The following BCDIN3D variants were observed in gnomAD, a reference collection of about 807,000 sequenced individuals.
BCDIN3D encodes the protein RNA 5'-monophosphate methyltransferase.
BCDIN3D carries 15 observed loss-of-function variants against 21.2 expected under a neutral mutation model. The observed-to-expected ratio is 0.71, with a 90% CI of 0.47 to 1.09. BCDIN3D has a LOEUF of 1.09. Ranked by LOEUF, BCDIN3D falls within the 50% of genes least tolerant of loss-of-function variation. BCDIN3D has a pLI of 0.00. For synonymous variants in BCDIN3D, 127 were observed against 141.9 expected (o/e 0.90, Z 0.75); for missense variants, 331 against 366.2 (o/e 0.90, Z 0.79).
chr12:49,842,909 G>C lies in BCDIN3D; in HGVS notation c.179C>G (p.Pro60Arg). 1 of 1,613,974 alleles carries C rather than the reference G, an allele frequency of 6.2e-7. No individual in the cohort carries two copies. Among genetic ancestry groups the C allele is most frequent in the East Asian group, 2.2e-5 (1 of 44,886 alleles). Reference sequence around the variant, plus strand: ...AATCGGCCCGTTCTCGGGACTCTCAGGAAAGAGCTGTCGAAGCAGCTCCGG... The same window carrying C: ...AATCGGCCCGTTCTCGGGACTCTCACGAAAGAGCTGTCGAAGCAGCTCCGG... ...LPPELLRQLF[P>R]ESPENGPILG... The change falls in exon 1 of 2, where the codon CCT (proline) becomes CGT (arginine). Residue 60 changes from proline (P) to arginine (R), a missense_variant. Physicochemically the swap from Pro to Arg is moderately radical, Grantham distance 103 (BLOSUM62 -2). Transcript: ENST00000333924.
rs781472860 is a variant in BCDIN3D at position 49,838,794 on chromosome 12, T to C, written c.456A>G (p.Gln152=). The C allele has an allele frequency of 1.9e-6, 3 of 1,614,062 alleles. No homozygotes were observed. The highest frequency in any genetic ancestry group is 2.7e-5 in the African/African-American group (2 of 74,914). Residue 152 remains glutamine, a synonymous_variant, in exon 2 of 2, where the codon CAA becomes CAG. Coordinates refer to ENST00000333924, the MANE Select transcript of BCDIN3D (RefSeq NM_181708.3). ...RKVLLSSFLS[Q]FGRSVFDIGF... ...CAATGTCAAAAACTGAACGTCCAAA[T>C]TGGCTTAAGAAAGAGCTCAAGAGAA... is the stretch of plus-strand genomic sequence containing the variant.
chr12:49,838,271 G>T lies in BCDIN3D; in HGVS notation c.*100C>A. The T allele has an allele frequency of 7.8e-7, 1 of 1,284,520 alleles. No individual in the cohort carries two copies. Among genetic ancestry groups the T allele is most frequent in the Non-Finnish European group, 1.1e-6 (1 of 937,080 alleles). The allele number at this position is 1,284,520 out of a possible 1,614,324, so 79.6% of individuals were successfully genotyped here. A position where few individuals can be genotyped will look rare whatever the true frequency, so the allele number is the denominator to read the frequency against. ...ACATTTTACCAAAAGCTCCTGCCAGGTTTTGCGGCTGCCTGATTGTTAAGG... is the reference window on the plus strand; with the variant it reads ...ACATTTTACCAAAAGCTCCTGCCAGTTTTTGCGGCTGCCTGATTGTTAAGG... On this transcript the variant is annotated 3_prime_UTR_variant, in exon 2 of 2. Coordinates refer to ENST00000333924, the MANE Select transcript of BCDIN3D (RefSeq NM_181708.3).
At chr12:49,842,541 C>T (rs904683332) in intron 1 of BCDIN3D, 1 of 357,766 alleles carries the variant, frequency 2.8e-6, no homozygotes, top group African/African-American at 2.1e-5. Flanking sequence ...CTGGAAGCCC[C>T]CTCTCCCCAG....
At position 49,837,488 on chromosome 12, in the gene BCDIN3D, C is replaced by G. The variant is rs1029620635; in HGVS notation, c.*883G>C. On this transcript the variant is annotated 3_prime_UTR_variant, in exon 2 of 2. Transcript: ENST00000333924. ...ATTTTTAGTAGAGACGGGGTTTCAC[C>G]GTTTTAGCCGGGATGGTCTCGATCT... 1 of 151,586 alleles carries G rather than the reference C, an allele frequency of 6.6e-6. No homozygotes were observed. Among genetic ancestry groups the G allele is most frequent in the Non-Finnish European group, 1.5e-5 (1 of 67,926 alleles). 9.4% of individuals were successfully genotyped at this position (151,586 alleles called of 1,614,324 possible). A position where few individuals can be genotyped will look rare whatever the true frequency, so the allele number is the denominator to read the frequency against.
At chr12:49,839,181 G>T in intron 1 of BCDIN3D, 166 bp from the exon 2 acceptor site, 1 of 667,692 alleles carries the variant, frequency 1.5e-6, no homozygotes, top group Non-Finnish European at 2.5e-6. Flanking sequence ...CTACAGAGTA[G>T]GCTCTCAGTG....
chr12:49,837,304 T>TC lies in BCDIN3D; in HGVS notation c.*1066_*1067insG, dbSNP rs1946514430. 2 of 110,740 alleles carry TC rather than the reference T, an allele frequency of 1.8e-5. 1 individual carries two copies. The highest frequency in any genetic ancestry group is 1.7e-4 in the Admixed American group (2 of 11,778). The allele number at this position is 110,740 out of a possible 1,614,324, so 6.9% of individuals were successfully genotyped here. A position where few individuals can be genotyped will look rare whatever the true frequency, so the allele number is the denominator to read the frequency against. On this transcript the variant is annotated 3_prime_UTR_variant, in exon 2 of 2. Coordinates refer to ENST00000333924, the MANE Select transcript of BCDIN3D (RefSeq NM_181708.3). ...TTTTTTGTTTTTTTTTTTTTTTTTT[T>TC]TGAGACGGAGTCTCGCTCTGTCGCC...
Position 49,838,778 on chromosome 12 carries a change from A to G in BCDIN3D, c.472T>C (p.Phe158Leu). ...SFLSQFGRSVFDIGFCMSITM... is the reference protein window; with the variant it reads ...SFLSQFGRSVLDIGFCMSITM... The stretch of plus-strand genomic sequence containing the variant: ...ATTGACATGCAGAAGCCAATGTCAA[A>G]AACTGAACGTCCAAATTGGCTTAAG... The change falls in exon 2 of 2, where the codon TTT (phenylalanine) becomes CTT (leucine). Residue 158 changes from phenylalanine to leucine, a missense_variant. Transcript: ENST00000333924. 6.2e-7 allele frequency: 1 copy of G among 1,614,232 alleles called. No individual in the cohort carries two copies. Among genetic ancestry groups the G allele is most frequent in the East Asian group, 2.2e-5 (1 of 44,888 alleles).
chr12:49,837,715 A>G lies in BCDIN3D; in HGVS notation c.*656T>C, dbSNP rs1946519472. ...TGCTTGCCTCAGAATCATCTGGGGG[A>G]GCTGTTAAAAATAGATGCCTCATTG... On this transcript the variant is annotated 3_prime_UTR_variant, in exon 2 of 2. Coordinates refer to ENST00000333924, the MANE Select transcript of BCDIN3D (RefSeq NM_181708.3). The G allele has an allele frequency of 2.0e-5, 3 of 152,022 alleles. No individual in the cohort carries two copies. The highest frequency in any genetic ancestry group is 7.3e-5 in the African/African-American group (3 of 41,362). 9.4% of individuals were successfully genotyped at this position (152,022 alleles called of 1,614,324 possible). A position where few individuals can be genotyped will look rare whatever the true frequency, so the allele number is the denominator to read the frequency against.
At chr12:49,842,388 T>C (rs1946559525) in intron 1 of BCDIN3D, 2 of 153,410 alleles carry the variant, frequency 1.3e-5, no homozygotes, top group Admixed American at 1.3e-4. Context: ...CTACTCACTT[T>C]TTTTGAAATA....
intron 1 of BCDIN3D, 68 bp from the exon 2 acceptor site, chr12:49,839,083 A>G (rs1437332425): frequency 1.3e-6 from 2 of 1,495,146 alleles, no homozygotes; most frequent in African/African-American, 1.4e-5. Context: ...AATCTGTATC[A>G]TTCTCCCACT....
At position 49,838,587 on chromosome 12, in the gene BCDIN3D, GA is replaced by G. The variant is rs757916950; in HGVS notation, c.662del (p.Phe221SerfsTer18). On this transcript the variant is annotated frameshift_variant, in exon 2 of 2. Coordinates refer to ENST00000333924, the MANE Select transcript of BCDIN3D (RefSeq NM_181708.3). LOFTEE classifies it high-confidence loss of function. Reference protein sequence around the residue: ...RKLGLHDFDHFHSLAIRGDMP... With the variant: ...RKLGLHDFDHXHSLAIRGDMP... ...TGTCACCTCGGATGGCAAGGGAGTGGAAGTGGTCAAAATCATGGAGTCCCAG... is the reference window on the plus strand; with the variant it reads ...TGTCACCTCGGATGGCAAGGGAGTGGAGTGGTCAAAATCATGGAGTCCCAG... The G allele has an allele frequency of 9.9e-6, 16 of 1,613,970 alleles. No homozygotes were observed. The highest frequency in any genetic ancestry group is 1.4e-5 in the Non-Finnish European group (16 of 1,179,986).
chr12:49,839,087 T>G, intron 1 of BCDIN3D, 72 bp from the exon 2 acceptor site: 1 of 1,483,208 alleles, frequency 6.7e-7, no homozygotes, highest in South Asian at 1.3e-5. Flanking sequence ...TGTATCATTC[T>G]CCCACTGAGA....
intron 1 of BCDIN3D, among the ~76,000 whole-genome samples, chr12:49,841,662 AC>A (rs1946554354): frequency 6.6e-6 from 1 of 152,098 alleles, no homozygotes; most frequent in South Asian, 2.1e-4. Context: ...CAGGACATCA[AC>A]CCATCTCCTC....
chr12:49,842,559 G>A (rs1946560592), intron 1 of BCDIN3D: 2 of 371,782 alleles, frequency 5.4e-6, no homozygotes, highest in South Asian at 3.8e-5. Context: ...CAGCCAAAGC[G>A]CCAGGCACGC....
rs778519585 is a variant in BCDIN3D at position 49,838,453 on chromosome 12, TG to T, written c.796del (p.Gln266LysfsTer3). 6.2e-7 allele frequency: 1 copy of T among 1,613,914 alleles called. No individual in the cohort carries two copies. Among genetic ancestry groups the T allele is most frequent in the Non-Finnish European group, 8.5e-7 (1 of 1,180,024 alleles). On this transcript the variant is annotated frameshift_variant, in exon 2 of 2. Coordinates refer to ENST00000333924, the MANE Select transcript of BCDIN3D (RefSeq NM_181708.3). LOFTEE classifies it high-confidence loss of function. ...AGGGATTGGATGAGTCTCTATGGTT[TG>T]TTTTGCCCTGAAGAGCAGAAGGCTT... is the stretch of plus-strand genomic sequence containing the variant. ...DRSLLLFRAK[Q>X]TIETHPIPES...
intron 1 of BCDIN3D, chr12:49,842,270 G>C (rs1946558538): frequency 6.6e-6 from 1 of 152,246 alleles, no homozygotes. Context: ...TAGTAGAGAC[G>C]GGGTTTCACC....
In BCDIN3D at chr12:49,842,853, C is replaced by A. The variant is rs1191590220; in HGVS notation, c.234+1G>T. 5.7e-6 allele frequency: 9 copies of A among 1,592,558 alleles called. No homozygotes were observed. The highest frequency in any genetic ancestry group is 7.7e-6 in the Non-Finnish European group (9 of 1,168,542). The stretch of plus-strand genomic sequence containing the variant: ...GCTCCAATCCCTCCCCTGTCACTCA[C>A]CCCGGAGTTACACCCCACGTCGAGC... On this transcript the variant is annotated splice_donor_variant, in intron 1 of 1. Transcript: ENST00000333924. LOFTEE classifies it high-confidence loss of function.
rs75990735 is a variant in BCDIN3D, at chr12:49,837,885, A to C, written c.*486T>G. 0.095 allele frequency: 14,494 copies of C among 152,494 alleles called. 830 individuals are homozygous for C. Among genetic ancestry groups the C allele is most frequent in the African/African-American group, 0.15 (6,134 of 41,500 alleles). The allele number at this position is 152,494 out of a possible 1,614,324, so 9.4% of individuals were successfully genotyped here. A position where few individuals can be genotyped will look rare whatever the true frequency, so the allele number is the denominator to read the frequency against. On this transcript the variant is annotated 3_prime_UTR_variant, in exon 2 of 2. Transcript: ENST00000333924. ...GGTTAAAATGGTAAATTTTATGTAT[A>C]TATTACAATAGAAGAATGCAAAAAC...
intron 1 of BCDIN3D, chr12:49,841,216 G>A (rs1412577936): frequency 2.0e-5 from 3 of 152,192 alleles, no homozygotes; most frequent in African/African-American, 7.2e-5. Flanking sequence ...GTAAATGCTG[G>A]TATACACACA....
Sources: allele counts gnomAD v4.1 joint callset (sites outside exome capture counted in the v4.1 genomes callset), GRCh38; gene constraint gnomAD v4.1.1; transcripts MANE v1.5; gene names NCBI Gene and HGNC (gene_info 2026-07-23, HGNC 2026-07-21).